Variants in DYNC1I2 observed in about 807,000 individuals in gnomAD.
The protein encoded by DYNC1I2 is cytoplasmic dynein 1 intermediate chain 2.
DYNC1I2 carries 53 observed loss-of-function variants against 88.6 expected under a neutral mutation model. That is an observed-to-expected ratio of 0.60 (90% CI 0.48 to 0.75). The LOEUF (loss-of-function observed/expected upper bound fraction) is 0.75, where lower values mean the gene tolerates loss of function less well. DYNC1I2 is among the 30% of genes least tolerant of loss of function. The pLI, the probability that DYNC1I2 is intolerant of heterozygous loss-of-function variation, is 0.00. For synonymous variants in DYNC1I2, 198 were observed against 254.6 expected (o/e 0.78, Z 2.12); for missense variants, 458 against 766.6 (o/e 0.60, Z 4.75).
At position 171,725,968 on chromosome 2, in the gene DYNC1I2, T is replaced by C. The variant is rs1688224786; in HGVS notation, c.657T>C (p.Ser219=). 2 of 1,592,894 alleles carry C rather than the reference T, an allele frequency of 1.3e-6. No individual in the cohort carries two copies. The highest frequency in any genetic ancestry group is 1.4e-5 in the African/African-American group (1 of 73,752). ...TEEEKQQILH[S]EEFLSFFDHS... is the part of the protein sequence containing the mutation. ...AAGAAAAGCAACAAATCTTGCACTCTGAGGAATTTTTAAGTTTCTTTGACC... is the reference window on the plus strand; with the variant it reads ...AAGAAAAGCAACAAATCTTGCACTCCGAGGAATTTTTAAGTTTCTTTGACC... The change falls in exon 9 of 18, where the codon TCT becomes TCC. Residue 219 remains serine, a synonymous_variant. Coordinates refer to ENST00000397119, the MANE Select transcript of DYNC1I2 (RefSeq NM_001378.3).
chr2:171,744,035 C>G lies in DYNC1I2; in HGVS notation c.1537-14C>G. ...ATATATGGACTGTGCTAAGAATCAA[C>G]TTTTCTCTTTCAGAATAACAAGCCT... On this transcript the variant is annotated splice_polypyrimidine_tract_variant and intron_variant, in intron 15 of 17. Coordinates refer to ENST00000397119, the MANE Select transcript of DYNC1I2 (RefSeq NM_001378.3). 1.2e-6 allele frequency: 2 copies of G among 1,602,988 alleles called. No individual in the cohort carries two copies. The highest frequency in any genetic ancestry group is 1.7e-6 in the Non-Finnish European group (2 of 1,176,578).
intron 3 of DYNC1I2, 47 bp downstream of exon 3, chr2:171,692,941 G>A (rs772545949): frequency 5.9e-6 from 8 of 1,353,586 alleles, no homozygotes; most frequent in Middle Eastern, 1.8e-4. Context: ...CATAGATTCT[G>A]TTCAGCTCAG....
chr2:171,708,569 A>G (rs1686859189), intron 5 of DYNC1I2, among the ~76,000 whole-genome samples: 1 of 152,226 alleles, frequency 6.6e-6, no homozygotes, highest in Non-Finnish European at 1.5e-5. Flanking sequence ...TAATGTTATT[A>G]CCTTATAAAA....
chr2:171,694,995 T>C lies in DYNC1I2; in HGVS notation c.226+2101T>C, dbSNP rs988054181. ...CATTAATTCTTGAAAGACCATTCTT[T>C]AGGGTTTGTGTATGTGTCCCTCATT... is the stretch of plus-strand genomic sequence containing the variant. On this transcript the variant is annotated intron_variant, in intron 3 of 17. Transcript: ENST00000397119. 2.6e-5 allele frequency among the ~76,000 whole-genome samples: 4 copies of C among 152,342 alleles called. 1 individual carries two copies. The highest frequency in any genetic ancestry group is 9.6e-5 in the African/African-American group (4 of 41,582).
At chr2:171,698,017 A>G (rs1303195325) in intron 3 of DYNC1I2, among the ~76,000 whole-genome samples, 1 of 152,232 alleles carries the variant, frequency 6.6e-6, no homozygotes, top group Non-Finnish European at 1.5e-5. Context: ...TTATTGGGTT[A>G]CAATTGTGAT....
At chr2:171,700,783 C>G (rs1686195731) in intron 3 of DYNC1I2, among the ~76,000 whole-genome samples, 2 of 152,120 alleles carry the variant, frequency 1.3e-5, no homozygotes, top group Admixed American at 1.3e-4. Flanking sequence ...AGGCGCCCGC[C>G]ACCACGCCCG....
chr2:171,722,924 CTGAGAGCATGTATTTAAATAGT>C (rs1042207010), intron 7 of DYNC1I2, among the ~76,000 whole-genome samples: 2 of 152,044 alleles, frequency 1.3e-5, no homozygotes, highest in African/African-American at 4.8e-5. Flanking sequence ...AAATAAAACC[CTGAGAGCATGTATTTAAATAGT>C]TGATACTCAT....
intron 3 of DYNC1I2, among the ~76,000 whole-genome samples, chr2:171,697,297 C>T (rs536759964): frequency 6.6e-6 from 1 of 152,184 alleles, no homozygotes; most frequent in East Asian, 1.9e-4. Flanking sequence ...GCTGGGATTA[C>T]AGGCATGAGC....
At chr2:171,738,519 ATTCCAG>A (rs1353127459) in intron 15 of DYNC1I2, among the ~76,000 whole-genome samples, 1 of 152,178 alleles carries the variant, frequency 6.6e-6, no homozygotes, top group Non-Finnish European at 1.5e-5. Context: ...ATTTGCATTA[ATTCCAG>A]TTGAGGGCCA....
At chr2:171,718,771 T>C (rs911838819) in intron 7 of DYNC1I2, among the ~76,000 whole-genome samples, 1 of 152,154 alleles carries the variant, frequency 6.6e-6, no homozygotes, top group African/African-American at 2.4e-5. Context: ...CTAAAAATTA[T>C]AACACCAAGA....
chr2:171,716,915 AAAG>A (rs1285666214), intron 7 of DYNC1I2, among the ~76,000 whole-genome samples: 3 of 152,046 alleles, frequency 2.0e-5, no homozygotes, highest in African/African-American at 7.2e-5. Flanking sequence ...AAAAAAAAAA[AAAG>A]AAAATTAGGA....
intron 3 of DYNC1I2, among the ~76,000 whole-genome samples, chr2:171,697,618 T>C (rs538938585): frequency 2.1e-4 from 31 of 150,556 alleles, no homozygotes; most frequent in African/African-American, 7.3e-4. Context: ...GAGGCTGAGG[T>C]AGGTGGATCA....
intron 7 of DYNC1I2, among the ~76,000 whole-genome samples, chr2:171,717,085 A>G (rs1181862894): frequency 6.6e-6 from 1 of 151,972 alleles, no homozygotes; most frequent in African/African-American, 2.4e-5. Context: ...ATACACATAT[A>G]ATTACACTTT....
At chr2:171,725,793 A>G (rs1688213687) in intron 8 of DYNC1I2, 80 bp downstream of exon 8, 2 of 1,266,934 alleles carry the variant, frequency 1.6e-6, no homozygotes, top group Non-Finnish European at 2.2e-6. Flanking sequence ...AGTAGGATGA[A>G]ATGCTGTAAA....
chr2:171,708,721 G>A (rs970915901), intron 5 of DYNC1I2, among the ~76,000 whole-genome samples: 3 of 151,232 alleles, frequency 2.0e-5, no homozygotes, highest in African/African-American at 7.3e-5. Flanking sequence ...TTTGCAGACA[G>A]GGTCTCTGTC....
Position 171,712,779 on chromosome 2 carries a change from G to A in DYNC1I2, c.348G>A (p.Trp116Ter). The part of the protein sequence containing the change: ...DGAVGSRTLH[W>*]DTDPSVLQLH... ...TACAACCATTTAGGACGCTGCATTGGGATACAGATCCATCAGTTCTTCAGC... is the reference window on the plus strand; with the variant it reads ...TACAACCATTTAGGACGCTGCATTGAGATACAGATCCATCAGTTCTTCAGC... Residue 116 changes from tryptophan (W) to a stop codon, truncating the protein, a stop_gained, in exon 6 of 18, where the codon TGG (tryptophan) becomes TGA (stop). Transcript: ENST00000397119. LOFTEE classifies it high-confidence loss of function. 1 of 1,613,180 alleles carries A rather than the reference G, an allele frequency of 6.2e-7. No individual in the cohort carries two copies. Among genetic ancestry groups the A allele is most frequent in the African/African-American group, 1.3e-5 (1 of 74,978 alleles).
chr2:171,711,038 GC>G (rs1687089120), intron 5 of DYNC1I2, among the ~76,000 whole-genome samples: 1 of 144,866 alleles, frequency 6.9e-6, no homozygotes, highest in Admixed American at 7.0e-5. Flanking sequence ...CCCACGACAG[GC>G]CCCGGTATGT....
intron 3 of DYNC1I2, among the ~76,000 whole-genome samples, chr2:171,703,101 T>G (rs1013555073): frequency 6.6e-6 from 1 of 152,214 alleles, no homozygotes; most frequent in African/African-American, 2.4e-5. Context: ...AATATATTAC[T>G]TACATTTTTA....
At chr2:171,734,855 T>C (rs1688897213) in intron 15 of DYNC1I2, among the ~76,000 whole-genome samples, 1 of 152,234 alleles carries the variant, frequency 6.6e-6, no homozygotes, top group African/African-American at 2.4e-5. Context: ...GCTGTAATAA[T>C]GACTGATGGG....
Sources: allele counts gnomAD v4.1 joint callset (sites outside exome capture counted in the v4.1 genomes callset), GRCh38; gene constraint gnomAD v4.1.1; transcripts MANE v1.5; gene names NCBI Gene and HGNC (gene_info 2026-07-23, HGNC 2026-07-21).